UNC79: variants seen among roughly 807,000 people sequenced by gnomAD.
UNC79 encodes the protein unc-79 subunit of NALCN channel complex.
UNC79 carries 37 observed loss-of-function variants against 283.1 expected under a neutral mutation model. That is an observed-to-expected ratio of 0.13 (90% CI 0.10 to 0.17). UNC79 has a LOEUF of 0.17. UNC79 is among the 10% of genes least tolerant of loss of function. The probability of loss-of-function intolerance (pLI) is 1.00; values close to 1 mark genes in which losing one functional copy is unlikely to be tolerated. For synonymous variants in UNC79, 1,107 were observed against 1,200.2 expected, an observed-to-expected ratio of 0.92 and a Z score of 1.61; for missense variants, 2,272 against 3,211.1, an observed-to-expected ratio of 0.71 and a Z score of 7.07.
chr14:93,572,925 A>C, intron 16 of UNC79, 109 bp downstream of exon 16: 1 of 1,417,100 alleles, frequency 7.1e-7, no homozygotes, highest in East Asian at 2.3e-5. Flanking sequence ...GTAAGTCCCC[A>C]TGTTTGCCAA....
intron 32 of UNC79, 59 bp downstream of exon 35, chr14:93,637,358 C>T: frequency 1.9e-6 from 3 of 1,597,690 alleles, no homozygotes; most frequent in Non-Finnish European, 2.6e-6. Context: ...ACATGTCCAT[C>T]ATTTGGTCAC....
Position 93,688,492 on chromosome 14 carries a change from C to A in UNC79, c.6910-173C>A, listed in dbSNP as rs2074424504. Among the ~76,000 whole-genome samples the A allele has an allele frequency of 6.6e-6, 1 of 152,108 alleles. No individual in the cohort carries two copies. The highest frequency in any genetic ancestry group is 2.1e-4 in the South Asian group (1 of 4,814). On this transcript the variant is annotated intron_variant, in intron 43 of 48. Transcript: ENST00000555664. The surrounding 1 kb of genome is among the most constrained non-coding windows in gnomAD (Gnocchi z 4.0). ...CTTTCTGGCTTTGTAGGCTAGGGAACTTTCCCTCCTTTTATCCTAAGAACA... is the reference window on the plus strand; with the variant it reads ...CTTTCTGGCTTTGTAGGCTAGGGAAATTTCCCTCCTTTTATCCTAAGAACA...
intron 1 of UNC79, among the ~76,000 whole-genome samples, chr14:93,361,165 T>TG (rs2139941316): frequency 8.1e-6 from 1 of 123,622 alleles, no homozygotes; most frequent in East Asian, 2.4e-4. Flanking sequence ...TGAGCTGAAA[T>TG]CATGCCACTG....
At chr14:93,368,255 A>G (rs2054372979) in intron 1 of UNC79, among the ~76,000 whole-genome samples, 1 of 152,154 alleles carries the variant, frequency 6.6e-6, no homozygotes, top group Non-Finnish European at 1.5e-5. Context: ...GACTTATTTT[A>G]CTTGCTATCA....
chr14:93,549,003 T>A (rs1284095044), intron 14 of UNC79, among the ~76,000 whole-genome samples: 1 of 152,222 alleles, frequency 6.6e-6, no homozygotes, highest in African/African-American at 2.4e-5. Context: ...CTTCTTAGTA[T>A]GATTCCCCAA....
chr14:93,395,654 G>T (rs557267374), intron 1 of UNC79, among the ~76,000 whole-genome samples: 1 of 152,214 alleles, frequency 6.6e-6, no homozygotes, highest in African/African-American at 2.4e-5. Flanking sequence ...TAGTTTTGCT[G>T]GCTATAGAAT....
chr14:93,462,905 G>A (rs1016190478), intron 1 of UNC79, among the ~76,000 whole-genome samples: 2 of 152,136 alleles, frequency 1.3e-5, no homozygotes, highest in African/African-American at 4.8e-5. Flanking sequence ...TTGAATCGAT[G>A]AGGCCTGTTA....
At chr14:93,397,623 G>T (rs2055024131) in intron 1 of UNC79, among the ~76,000 whole-genome samples, 1 of 152,124 alleles carries the variant, frequency 6.6e-6, no homozygotes, top group Non-Finnish European at 1.5e-5. Flanking sequence ...GAGGCAAGAG[G>T]ATTGCTTGAA....
At chr14:93,704,775 T>C in intron 48 of UNC79, 109 bp downstream of exon 51, 2 of 1,390,778 alleles carry the variant, frequency 1.4e-6, no homozygotes. Context: ...GAATTCAACC[T>C]GCTCCTGGCC....
chr14:93,450,859 T>A (rs1246033812), intron 1 of UNC79, among the ~76,000 whole-genome samples: 1 of 152,180 alleles, frequency 6.6e-6, no homozygotes. Context: ...ACTCTTTTGG[T>A]TTTGCTATTG....
intron 1 of UNC79, among the ~76,000 whole-genome samples, chr14:93,342,105 G>T: frequency 6.6e-6 from 1 of 152,218 alleles, no homozygotes; most frequent in Non-Finnish European, 1.5e-5. Flanking sequence ...TGTGGGGGCT[G>T]CAACCCCACA....
At chr14:93,509,149 T>G (rs952128789) in intron 7 of UNC79, among the ~76,000 whole-genome samples, 5 of 151,910 alleles carry the variant, frequency 3.3e-5, no homozygotes, top group African/African-American at 1.2e-4. Context: ...AACAACCAAT[T>G]CTCTGAGCAC....
At chr14:93,612,586 C>G (rs2066388714) in intron 26 of UNC79, among the ~76,000 whole-genome samples, 1 of 152,180 alleles carries the variant, frequency 6.6e-6, no homozygotes, top group African/African-American at 2.4e-5. Flanking sequence ...TCCCAGATTA[C>G]TTGGTTGTTG....
chr14:93,396,767 A>ATGTGTGTATATGTG (rs2055005873), intron 1 of UNC79, among the ~76,000 whole-genome samples: 1 of 76,418 alleles, frequency 1.3e-5, no homozygotes, highest in Non-Finnish European at 3.2e-5. Flanking sequence ...TGCAAAGGGC[A>ATGTGTGTATATGTG]TGTGTGTGTA....
rs530358329 is a variant in UNC79, at chr14:93,696,548, T to A, written c.7548+2136T>A. Among the ~76,000 whole-genome samples, 6 of 152,332 alleles carry A rather than the reference T, an allele frequency of 3.9e-5. No individual in the cohort carries two copies. In the South Asian group the frequency reaches 1.0e-3, roughly 26 times the overall value. ...ACTGGTATCTTGTTGTGGTTTTAAA[T>A]AGCATTTTCCTGTTTGCTAATGACA... On this transcript the variant is annotated intron_variant, in intron 47 of 48. Transcript: ENST00000555664.
At chr14:93,513,428 A>C (rs931365686) in intron 7 of UNC79, among the ~76,000 whole-genome samples, 1 of 152,060 alleles carries the variant, frequency 6.6e-6, no homozygotes, top group African/African-American at 2.4e-5. Flanking sequence ...TATGTTGTCC[A>C]AGCTGGTCTC....
upstream of UNC79, among the ~76,000 whole-genome samples, chr14:93,429,159 G>T (rs1003738428): frequency 1.3e-5 from 2 of 152,178 alleles, no homozygotes; most frequent in African/African-American, 4.8e-5. Flanking sequence ...CATACAAAGT[G>T]TTTGTCATCT....
intron 1 of UNC79, among the ~76,000 whole-genome samples, chr14:93,369,544 G>A (rs1415556691): frequency 1.3e-5 from 2 of 152,176 alleles, no homozygotes; most frequent in Non-Finnish European, 2.9e-5. Flanking sequence ...ACACTGCCGT[G>A]GGAACAAGTG....
intron 1 of UNC79, among the ~76,000 whole-genome samples, chr14:93,387,665 C>G (rs1270578653): frequency 6.6e-6 from 1 of 152,182 alleles, no homozygotes; most frequent in Non-Finnish European, 1.5e-5. Flanking sequence ...AACACATGGT[C>G]CTTCCTTGAG....
Sources: gnomAD v4.1 joint callset for allele counts (sites outside exome capture counted in the v4.1 genomes callset) on GRCh38, gnomAD v4.1.1 for gene constraint, Gnocchi (gnomAD v3.1) non-coding constraint, MANE v1.5 for transcripts, NCBI Gene and HGNC (gene_info 2026-07-23, HGNC 2026-07-21) for gene names.